The following ALS2 variants were observed in gnomAD, a reference collection of about 807,000 sequenced individuals.
ALS2 encodes alsin Rho guanine nucleotide exchange factor ALS2, also known as alsin.
In ALS2, 117 loss-of-function variants were observed where a neutral mutation model predicts 203.4. The ratio of observed to expected loss-of-function variants is 0.58; its 90% CI spans 0.50 to 0.67. ALS2 has a LOEUF of 0.67. ALS2 is among the 30% of genes least tolerant of loss of function. ALS2 has a pLI of 0.00. For missense variants in ALS2, 1,715 were observed against 1,989.4 expected, an observed-to-expected ratio of 0.86 and a Z score of 2.62; for synonymous variants, 718 against 725.9, an observed-to-expected ratio of 0.99 and a Z score of 0.17.
chr2:201,723,276 G>C (rs1690926209), intron 22 of ALS2, 54 bp downstream of exon 22: 2 of 1,474,760 alleles, frequency 1.4e-6, no homozygotes, highest in African/African-American at 2.8e-5. Flanking sequence ...AAAAAGTTAA[G>C]GACAAAGGAG....
At chr2:201,708,844 C>T (rs960328448) in intron 27 of ALS2, among the ~76,000 whole-genome samples, 1 of 150,148 alleles carries the variant, frequency 6.7e-6, no homozygotes, top group Non-Finnish European at 1.5e-5. Flanking sequence ...TGTAGACTTA[C>T]ATCTTGCACC....
At chr2:201,722,750 A>G in intron 23 of ALS2, 1 of 380,902 alleles carries the variant, frequency 2.6e-6, no homozygotes. Flanking sequence ...CCATTTATAC[A>G]AAAGGCCCAA....
chr2:201,754,021 T>C (rs1219005909), intron 6 of ALS2, among the ~76,000 whole-genome samples: 1 of 152,032 alleles, frequency 6.6e-6, no homozygotes, highest in Admixed American at 6.6e-5. Flanking sequence ...TTCCTTTTTT[T>C]TTTTTTGAGA....
intron 9 of ALS2, among the ~76,000 whole-genome samples, chr2:201,745,583 CA>C: frequency 6.6e-6 from 1 of 151,844 alleles, no homozygotes; most frequent in South Asian, 2.1e-4. Context: ...TTTCAGTTTA[CA>C]AAAAAGAAGG....
intron 1 of ALS2, among the ~76,000 whole-genome samples, chr2:201,774,781 T>C (rs1694581887): frequency 6.6e-6 from 1 of 152,214 alleles, no homozygotes; most frequent in East Asian, 1.9e-4. Flanking sequence ...GGTATTATGC[T>C]AGTCTAAAAT....
At chr2:201,738,537 CTGA>C (rs1692029893) in intron 12 of ALS2, 130 bp downstream of exon 12, 1 of 849,798 alleles carries the variant, frequency 1.2e-6, no homozygotes, top group African/African-American at 1.7e-5. Context: ...ATAAGACTTA[CTGA>C]AAGTTTATAT....
chr2:201,746,472 T>G, intron 9 of ALS2, 94 bp downstream of exon 9: 1 of 1,409,908 alleles, frequency 7.1e-7, no homozygotes, highest in Non-Finnish European at 1.0e-6. Context: ...TAGAGATGCT[T>G]ACTAATAATT....
intron 8 of ALS2, among the ~76,000 whole-genome samples, chr2:201,749,003 C>T (rs1692855862): frequency 6.6e-6 from 1 of 152,166 alleles, no homozygotes; most frequent in South Asian, 2.1e-4. Flanking sequence ...TCTATGACCT[C>T]CATATTCCAT....
chr2:201,749,351 T>C (rs749043289), intron 8 of ALS2, among the ~76,000 whole-genome samples: 6 of 152,210 alleles, frequency 3.9e-5, no homozygotes, highest in Admixed American at 6.5e-5. Context: ...AATAATGTTA[T>C]GTAAAAGTCA....
At position 201,765,733 on chromosome 2, in the gene ALS2, C is replaced by T. The variant is rs181109034; in HGVS notation, c.175+1496G>A. Reference sequence around the variant, plus strand: ...TTGTCATGATTGAGTTGATAAAGTGCCATTAAGATTAAAGGTACCTCTATA... The same window carrying T: ...TTGTCATGATTGAGTTGATAAAGTGTCATTAAGATTAAAGGTACCTCTATA... On this transcript the variant is annotated intron_variant, in intron 3 of 33. Coordinates refer to ENST00000264276, the MANE Select transcript of ALS2 (RefSeq NM_020919.4). 9 of 167,076 alleles carry T rather than the reference C, an allele frequency of 5.4e-5. 1 individual carries two copies. The highest frequency in any genetic ancestry group is 2.0e-4 in the Admixed American group (3 of 15,278). 10.3% of individuals were successfully genotyped at this position (167,076 alleles called of 1,614,324 possible). A position where few individuals can be genotyped will look rare whatever the true frequency, so the allele number is the denominator to read the frequency against.
chr2:201,758,282 T>C (rs1049328195), intron 4 of ALS2, among the ~76,000 whole-genome samples: 1 of 152,168 alleles, frequency 6.6e-6, no homozygotes, highest in African/African-American at 2.4e-5. Flanking sequence ...AGATATAGCA[T>C]ATGGAGATGG....
intron 3 of ALS2, among the ~76,000 whole-genome samples, chr2:201,763,742 C>T (rs6435105): frequency 0.88 from 133,230 of 152,228 alleles, 58,568 homozygotes; most frequent in East Asian, 1. Flanking sequence ...ATAAATAACT[C>T]ATGTATGTCC....
At chr2:201,705,581 T>C in intron 29 of ALS2, 120 bp from the exon 30 acceptor site, 1 of 725,854 alleles carries the variant, frequency 1.4e-6, no homozygotes, top group Non-Finnish European at 2.4e-6. Flanking sequence ...TGCTCCACAA[T>C]AGGTTAAGTT....
intron 22 of ALS2, 58 bp from the exon 23 acceptor site, chr2:201,723,178 T>A (rs1043189423): frequency 1.6e-5 from 23 of 1,464,294 alleles, no homozygotes; most frequent in Admixed American, 3.3e-5. Context: ...AACTTAAGAG[T>A]GCACGCAGTC....
chr2:201,746,827 T>C, intron 8 of ALS2, 79 bp from the exon 9 acceptor site: 2 of 1,539,406 alleles, frequency 1.3e-6, no homozygotes, highest in Non-Finnish European at 1.8e-6. Context: ...ACTGAAACGT[T>C]AGGTTGCTTA....
chr2:201,778,673 C>T (rs1339984789), intron 1 of ALS2, among the ~76,000 whole-genome samples: 1 of 152,124 alleles, frequency 6.6e-6, no homozygotes, highest in Non-Finnish European at 1.5e-5. Flanking sequence ...ATTGTTTGGT[C>T]ATCAATGAAG....
chr2:201,741,357 T>C, intron 11 of ALS2: 1 of 271,444 alleles, frequency 3.7e-6, no homozygotes, highest in Non-Finnish European at 7.3e-6. Context: ...CAAGTTTTAG[T>C]ACAATTTAGT....
At chr2:201,752,097 G>A (rs1266884387) in intron 7 of ALS2, among the ~76,000 whole-genome samples, 1 of 152,054 alleles carries the variant, frequency 6.6e-6, no homozygotes, top group Non-Finnish European at 1.5e-5. Flanking sequence ...TTATCAAATT[G>A]TAAATATTAC....
chr2:201,702,191 TG>T (rs898630166), intron 33 of ALS2, among the ~76,000 whole-genome samples: 4 of 151,824 alleles, frequency 2.6e-5, no homozygotes. Context: ...TTGCCATTAC[TG>T]ATTGGACATT....
Sources: gnomAD v4.1 joint callset for allele counts (sites outside exome capture counted in the v4.1 genomes callset) on GRCh38, gnomAD v4.1.1 for gene constraint, MANE v1.5 for transcripts, NCBI Gene and HGNC (gene_info 2026-07-23, HGNC 2026-07-21) for gene names.